Variants in REDIC1 observed in about 807,000 individuals in gnomAD.
REDIC1 encodes the protein HEI10 Interacting Protein 1.
chr12:39,661,080 A>G, the REDIC1 span, among the ~76,000 whole-genome samples: 1 of 152,068 alleles, frequency 6.6e-6, no homozygotes, highest in Non-Finnish European at 1.5e-5. Flanking sequence ...GGTTGATTCC[A>G]TATCTTTGCT....
At chr12:39,901,995 T>C in the REDIC1 span, among the ~76,000 whole-genome samples, 5 of 152,010 alleles carry the variant, frequency 3.3e-5, no homozygotes, top group African/African-American at 7.2e-5. Flanking sequence ...ATATACACCA[T>C]GGAATACTAT....
chr12:39,870,838 G>A, the REDIC1 span, among the ~76,000 whole-genome samples: 2 of 152,178 alleles, frequency 1.3e-5, no homozygotes, highest in African/African-American at 2.4e-5. Context: ...TCAGGAGAGG[G>A]TATGTATTTC....
chr12:39,825,512 G>C, the REDIC1 span, among the ~76,000 whole-genome samples: 2 of 152,064 alleles, frequency 1.3e-5, no homozygotes, highest in African/African-American at 4.8e-5. Flanking sequence ...TGTAAGTAGG[G>C]TATAGAAATC....
chr12:39,706,358 A>G, the REDIC1 span, among the ~76,000 whole-genome samples: 1 of 152,032 alleles, frequency 6.6e-6, no homozygotes, highest in Non-Finnish European at 1.5e-5. Flanking sequence ...TAGAAGAATC[A>G]ATATTGTTTA....
chr12:39,786,372 A>ACCATGATTCTGAGGCCTCCCCAG, the REDIC1 span, among the ~76,000 whole-genome samples: 144,821 of 150,102 alleles, frequency 0.96, 69,872 homozygotes, highest in East Asian at 0.99. Flanking sequence ...TTCATCTCCC[A>ACCATGATTCTGAGGCCTCCCCAG]CCATGATTCT....
At chr12:39,771,436 G>C in the REDIC1 span, among the ~76,000 whole-genome samples, 2 of 152,078 alleles carry the variant, frequency 1.3e-5, no homozygotes, top group Non-Finnish European at 2.9e-5. Context: ...AAGGAACTGA[G>C]GGCAGCCTCT....
chr12:39,697,677 G>A, the REDIC1 span, among the ~76,000 whole-genome samples: 5 of 152,096 alleles, frequency 3.3e-5, no homozygotes, highest in African/African-American at 1.2e-4. Context: ...AAACAATTAA[G>A]TTGTTATCAG....
chr12:39,815,194 A>G, the REDIC1 span, among the ~76,000 whole-genome samples: 122 of 152,300 alleles, frequency 8.0e-4, no homozygotes, highest in Middle Eastern at 3.4e-3. Flanking sequence ...TAAGCTTCCC[A>G]TTGATTTTAG....
At chr12:39,678,992 A>G in the REDIC1 span, among the ~76,000 whole-genome samples, 1 of 152,194 alleles carries the variant, frequency 6.6e-6, no homozygotes, top group Admixed American at 6.5e-5. Flanking sequence ...AGCCAGCATT[A>G]TACTGAATGG....
At chr12:39,715,334 T>C in the REDIC1 span, among the ~76,000 whole-genome samples, 2,471 of 152,010 alleles carry the variant, frequency 0.016, 64 homozygotes, top group African/African-American at 0.054. Flanking sequence ...TTCCCCACTT[T>C]ATGTTTCGTT....
the REDIC1 span, chr12:39,871,720 G>A: frequency 2.2e-6 from 3 of 1,391,244 alleles, no homozygotes; most frequent in African/African-American, 1.5e-5. Flanking sequence ...AGTGGTGTAA[G>A]TATTGTATTT....
chr12:39,815,171 A>G, the REDIC1 span, among the ~76,000 whole-genome samples: 3 of 152,202 alleles, frequency 2.0e-5, no homozygotes, highest in Non-Finnish European at 4.4e-5. Context: ...TATTCTCTAC[A>G]TTATACCAGA....
At chr12:39,766,526 G>A in the REDIC1 span, among the ~76,000 whole-genome samples, 1 of 152,072 alleles carries the variant, frequency 6.6e-6, no homozygotes, top group Admixed American at 6.6e-5. Flanking sequence ...GAAGGCTGGG[G>A]TGGCTGTGGC....
the REDIC1 span, among the ~76,000 whole-genome samples, chr12:39,704,166 C>A: frequency 6.6e-6 from 1 of 151,494 alleles, no homozygotes. Context: ...ATTTTCGCAT[C>A]CTACTCATCT....
At chr12:39,689,449 A>G in the REDIC1 span, among the ~76,000 whole-genome samples, 2 of 152,234 alleles carry the variant, frequency 1.3e-5, no homozygotes, top group Admixed American at 6.5e-5. Context: ...GATCTTCTGA[A>G]AAACCTGTGA....
At chr12:39,786,022 G>A in the REDIC1 span, among the ~76,000 whole-genome samples, 1 of 152,164 alleles carries the variant, frequency 6.6e-6, no homozygotes, top group Non-Finnish European at 1.5e-5. Flanking sequence ...TTGGACTGTG[G>A]ACTTTTGAGT....
the REDIC1 span, among the ~76,000 whole-genome samples, chr12:39,728,749 G>A: frequency 7.0e-6 from 1 of 142,238 alleles, no homozygotes; most frequent in Non-Finnish European, 1.5e-5. Flanking sequence ...ACCTCTGGTA[G>A]AATTCGGCTC....
chr12:39,797,736 A>ACACACATACG, the REDIC1 span, among the ~76,000 whole-genome samples: 1,350 of 24,500 alleles, frequency 0.055, 20 homozygotes, highest in African/African-American at 0.078. Flanking sequence ...AAACACACAC[A>ACACACATACG]CACACACACA....
the REDIC1 span, among the ~76,000 whole-genome samples, chr12:39,762,853 C>T: frequency 6.6e-6 from 1 of 152,006 alleles, no homozygotes; most frequent in African/African-American, 2.4e-5. Flanking sequence ...AAGCAACACA[C>T]TTTTAACTGT....
Sources: allele counts gnomAD v4.1 joint callset (sites outside exome capture counted in the v4.1 genomes callset), GRCh38; gene constraint gnomAD v4.1.1; transcripts MANE v1.5; gene names NCBI Gene and HGNC (gene_info 2026-07-23, HGNC 2026-07-21).